NDUFA12: variants seen among roughly 807,000 people sequenced by gnomAD.
The protein encoded by NDUFA12 is NADH dehydrogenase [ubiquinone] 1 alpha subcomplex subunit 12.
A neutral mutation model predicts 20.3 loss-of-function variants in NDUFA12; 17 were observed. The ratio of observed to expected loss-of-function variants is 0.84; its 90% CI spans 0.57 to 1.26. The LOEUF is 1.26. Among genes scored for constraint, NDUFA12 ranks in the 50% most tolerant of loss-of-function variants. NDUFA12 has a pLI of 0.00. For synonymous variants in NDUFA12, 72 were observed against 63.6 expected, an observed-to-expected ratio of 1.13 and a Z score of -0.63; for missense variants, 191 against 183.7, an observed-to-expected ratio of 1.04 and a Z score of -0.23.
At chr12:94,996,029 G>A (rs1303299791) in intron 2 of NDUFA12, among the ~76,000 whole-genome samples, 1 of 151,472 alleles carries the variant, frequency 6.6e-6, no homozygotes, top group Non-Finnish European at 1.5e-5. Flanking sequence ...GCAACATAGT[G>A]AAACCTTGTC....
intron 3 of NDUFA12, among the ~76,000 whole-genome samples, chr12:94,978,342 A>G (rs1874125776): frequency 6.6e-6 from 1 of 152,202 alleles, no homozygotes; most frequent in Non-Finnish European, 1.5e-5. Flanking sequence ...GGACTAGGGT[A>G]ACAGTCATAG....
intron 3 of NDUFA12, among the ~76,000 whole-genome samples, chr12:94,991,851 T>C (rs1480494020): frequency 6.6e-6 from 1 of 152,130 alleles, no homozygotes; most frequent in Non-Finnish European, 1.5e-5. Flanking sequence ...GGTTGCTGAA[T>C]AAGCCTGCTG....
At chr12:95,002,599 A>G in intron 2 of NDUFA12, 140 bp downstream of exon 2, 3 of 709,484 alleles carry the variant, frequency 4.2e-6, no homozygotes, top group East Asian at 2.7e-5. Context: ...TTTTCTGTAA[A>G]TTATCTTTTT....
At chr12:94,981,663 A>G (rs1358658320) in intron 3 of NDUFA12, among the ~76,000 whole-genome samples, 1 of 152,188 alleles carries the variant, frequency 6.6e-6, no homozygotes, top group Non-Finnish European at 1.5e-5. Flanking sequence ...ATAAACTACA[A>G]GAGAACAAAG....
intron 3 of NDUFA12, among the ~76,000 whole-genome samples, chr12:94,993,664 G>C (rs569192780): frequency 8.0e-6 from 1 of 124,378 alleles, no homozygotes; most frequent in African/African-American, 2.9e-5. Flanking sequence ...GCCAGGCACG[G>C]TGGCTCATGC....
chr12:94,976,415 T>G (rs1874065737), intron 3 of NDUFA12, among the ~76,000 whole-genome samples: 1 of 152,216 alleles, frequency 6.6e-6, no homozygotes, highest in African/African-American at 2.4e-5. Flanking sequence ...GGACACCCTG[T>G]GGATGCCAAA....
intron 3 of NDUFA12, among the ~76,000 whole-genome samples, chr12:94,988,152 A>G (rs1167564190): frequency 6.6e-6 from 1 of 152,158 alleles, no homozygotes; most frequent in Non-Finnish European, 1.5e-5. Flanking sequence ...CACATCACGG[A>G]ACTCTTATAT....
chr12:94,982,546 G>A (rs1454313673), intron 3 of NDUFA12, among the ~76,000 whole-genome samples: 2 of 152,124 alleles, frequency 1.3e-5, no homozygotes, highest in East Asian at 3.9e-4. Flanking sequence ...AAGGTGCTGT[G>A]TGTGAGCCAC....
At chr12:94,993,624 CAAAAAAAAAAAA>C (rs61481976) in intron 3 of NDUFA12, among the ~76,000 whole-genome samples, 3 of 11,350 alleles carry the variant, frequency 2.6e-4, no homozygotes, top group Non-Finnish European at 3.0e-4. Flanking sequence ...GACTCTGTCT[CAAAAAAAAAAAA>C]AAAAAAAAAA....
chr12:94,993,979 C>T (rs1342887331), intron 3 of NDUFA12, among the ~76,000 whole-genome samples, 191 bp downstream of exon 3: 1 of 152,004 alleles, frequency 6.6e-6, no homozygotes, highest in Non-Finnish European at 1.5e-5. Context: ...CAAAAATTAT[C>T]CGGGTGAGAT....
chr12:94,995,877 T>C (rs1874809653), intron 2 of NDUFA12, among the ~76,000 whole-genome samples: 1 of 151,308 alleles, frequency 6.6e-6, no homozygotes, highest in East Asian at 2.0e-4. Context: ...GAATGTTGTG[T>C]TGCTATTTTT....
At chr12:94,994,362 A>G (rs773542492) in intron 2 of NDUFA12, 105 bp from the exon 3 acceptor site, 1 of 835,544 alleles carries the variant, frequency 1.2e-6, no homozygotes, top group Non-Finnish European at 1.9e-6. Context: ...ACTTTTTGTG[A>G]TCTTATATAA....
intron 2 of NDUFA12, among the ~76,000 whole-genome samples, chr12:94,998,933 A>C (rs144761185): frequency 6.6e-6 from 1 of 152,312 alleles, no homozygotes; most frequent in East Asian, 1.9e-4. Context: ...GATTCAATGT[A>C]ATTTCCATCA....
intron 3 of NDUFA12, among the ~76,000 whole-genome samples, chr12:94,974,386 C>T (rs752641157): frequency 1.3e-5 from 2 of 152,124 alleles, no homozygotes; most frequent in Non-Finnish European, 2.9e-5. Context: ...AACCCTCAAA[C>T]ACGTTGGTGG....
intron 3 of NDUFA12, among the ~76,000 whole-genome samples, chr12:94,988,063 GT>G (rs1476528712): frequency 6.6e-6 from 1 of 152,156 alleles, no homozygotes; most frequent in Non-Finnish European, 1.5e-5. Flanking sequence ...CATTTTCAGT[GT>G]TCTACTCCTT....
intron 3 of NDUFA12, among the ~76,000 whole-genome samples, chr12:94,975,214 G>T (rs1028384999): frequency 5.3e-5 from 8 of 151,950 alleles, no homozygotes; most frequent in African/African-American, 1.9e-4. Flanking sequence ...CAGGATTAAA[G>T]ACTAAAAGAA....
intron 1 of NDUFA12, 84 bp downstream of exon 1, chr12:95,003,498 GGATTCTCCAAGGT>G (rs949091456): frequency 2.0e-5 from 26 of 1,295,878 alleles, no homozygotes; most frequent in Admixed American, 6.8e-5. Flanking sequence ...CAAGAGCTGT[GGATTCTCCAAGGT>G]GACCCGAGCC....
chr12:94,983,995 G>A (rs2136063548), intron 3 of NDUFA12, among the ~76,000 whole-genome samples: 1 of 152,256 alleles, frequency 6.6e-6, no homozygotes, highest in South Asian at 2.1e-4. Context: ...AGGGAGGGTG[G>A]CAAGCTGGTT....
Position 95,002,468 on chromosome 12 carries a change from C to G in NDUFA12, c.169+271G>C, listed in dbSNP as rs6538587. ...AAAAAAAAAAAAAAAAAAAAAAGAA[C>G]AAAAACACTTCAAAATTTGATAGGT... On this transcript the variant is annotated intron_variant, in intron 2 of 3. Transcript: ENST00000327772. Among the ~76,000 whole-genome samples the G allele has an allele frequency of 0.86, 108,662 of 125,708 alleles. 47,505 individuals are homozygous for G. The highest frequency in any genetic ancestry group is 0.94 in the African/African-American group (32,118 of 34,088). The allele number at this position is 125,708 out of a possible 152,430, so 82.5% of individuals were successfully genotyped here.
Sources: allele counts gnomAD v4.1 joint callset (sites outside exome capture counted in the v4.1 genomes callset), GRCh38; gene constraint gnomAD v4.1.1; transcripts MANE v1.5; gene names NCBI Gene and HGNC (gene_info 2026-07-23, HGNC 2026-07-21).